AGBL3: variants seen among roughly 807,000 people sequenced by gnomAD.
AGBL3 encodes the protein cytosolic carboxypeptidase 3.
In AGBL3, 68 loss-of-function variants were observed where a neutral mutation model predicts 94.5. That is an observed-to-expected ratio of 0.72 (90% CI 0.59 to 0.88). The LOEUF (loss-of-function observed/expected upper bound fraction) is 0.88, where lower values mean the gene tolerates loss of function less well. Among genes scored for constraint, AGBL3 ranks in the 40% least tolerant of loss-of-function variants. The pLI is 0.00. For synonymous variants in AGBL3, 354 were observed against 370.7 expected (o/e 0.95, Z 0.52); for missense variants, 934 against 1,103.8 (o/e 0.85, Z 2.18).
chr7:135,016,030 C>CAA (rs5887720), intron 4 of AGBL3, among the ~76,000 whole-genome samples: 2 of 141,274 alleles, frequency 1.4e-5, no homozygotes, highest in African/African-American at 5.5e-5. Context: ...CACTCCATCT[C>CAA]AAAAAAAAAA....
At chr7:135,129,303 G>T in intron 16 of AGBL3, 1 of 1,469,862 alleles carries the variant, frequency 6.8e-7, no homozygotes, top group South Asian at 1.1e-5. Flanking sequence ...GACCTACCAT[G>T]GGGTCTCTCC....
chr7:135,062,127 T>C (rs1818889075), intron 12 of AGBL3, among the ~76,000 whole-genome samples: 1 of 152,074 alleles, frequency 6.6e-6, no homozygotes, highest in East Asian at 1.9e-4. Flanking sequence ...GTTAAATTTA[T>C]TCCTACATAT....
intron 4 of AGBL3, chr7:134,995,397 T>G (rs1231416387): frequency 6.6e-6 from 1 of 152,210 alleles, no homozygotes; most frequent in Non-Finnish European, 1.5e-5. Context: ...TCCTTAAATT[T>G]CCTAGCCCTC....
intron 15 of AGBL3, chr7:135,093,558 T>C (rs900086506): frequency 2.0e-5 from 3 of 152,074 alleles, no homozygotes; most frequent in Middle Eastern, 3.2e-3. Flanking sequence ...ACAAAAGAAG[T>C]ACAAGACTTA....
chr7:135,006,840 TC>T (rs1812452823), intron 4 of AGBL3, among the ~76,000 whole-genome samples: 1 of 151,942 alleles, frequency 6.6e-6, no homozygotes, highest in South Asian at 2.1e-4. Context: ...TATGTAACTG[TC>T]CTGATAATCT....
intron 5 of AGBL3, among the ~76,000 whole-genome samples, chr7:135,020,768 A>T (rs1389663906): frequency 6.6e-6 from 1 of 152,100 alleles, no homozygotes; most frequent in Non-Finnish European, 1.5e-5. Context: ...AGGGACATGG[A>T]TTAAGCTGGA....
intron 15 of AGBL3, among the ~76,000 whole-genome samples, chr7:135,083,697 A>C (rs1821103295): frequency 6.6e-6 from 1 of 152,162 alleles, no homozygotes; most frequent in Non-Finnish European, 1.5e-5. Context: ...TTGAATTATC[A>C]TATTTCTTTA....
At chr7:135,065,577 GA>G (rs1819212476) in intron 12 of AGBL3, among the ~76,000 whole-genome samples, 1 of 152,154 alleles carries the variant, frequency 6.6e-6, no homozygotes, top group African/African-American at 2.4e-5. Flanking sequence ...ACACAATGAA[GA>G]AAAGATAGTC....
In AGBL3 at chr7:135,055,457, A is replaced by G. The variant is rs149838159; in HGVS notation, c.1842-3712A>G. On this transcript the variant is annotated intron_variant, in intron 11 of 16. Transcript: ENST00000436302. ...AAGATTCCCTCTACTTCGTTAGCTG[A>G]GAGTTTTTGTCATGAATATGTGTTG... 2.6e-4 allele frequency among the ~76,000 whole-genome samples: 40 copies of G among 152,286 alleles called. No individual in the cohort carries two copies. In the East Asian group the frequency reaches 6.8e-3, roughly 26 times the overall value.
At chr7:135,124,772 A>T (rs1827625907) in intron 16 of AGBL3, among the ~76,000 whole-genome samples, 1 of 152,244 alleles carries the variant, frequency 6.6e-6, no homozygotes, top group Non-Finnish European at 1.5e-5. Context: ...TTACATGGAA[A>T]TTGAACAATC....
intron 15 of AGBL3, among the ~76,000 whole-genome samples, chr7:135,084,964 G>A (rs989177888): frequency 3.9e-5 from 6 of 152,082 alleles, no homozygotes; most frequent in Non-Finnish European, 5.9e-5. Context: ...CCCACCAAAA[G>A]TGTGCAGGGA....
chr7:135,032,779 T>G, intron 5 of AGBL3, 65 bp from the exon 6 acceptor site: 1 of 1,420,816 alleles, frequency 7.0e-7, no homozygotes, highest in South Asian at 1.6e-5. Context: ...CTCCAAACTC[T>G]GTGCAGAATA....
At chr7:135,133,470 A>T (rs990976586) in intron 16 of AGBL3, among the ~76,000 whole-genome samples, 1 of 152,230 alleles carries the variant, frequency 6.6e-6, no homozygotes, top group Non-Finnish European at 1.5e-5. Context: ...TAGCAAAAAC[A>T]ATTTTGACAA....
At chr7:135,129,452 G>C in intron 16 of AGBL3, 1 of 779,714 alleles carries the variant, frequency 1.3e-6, no homozygotes, top group Non-Finnish European at 2.4e-6. Context: ...AAAGTAAGGA[G>C]TGGCTAGAGA....
chr7:135,129,143 C>A, intron 16 of AGBL3: 1 of 1,494,102 alleles, frequency 6.7e-7, no homozygotes. Flanking sequence ...CCTATTATGA[C>A]TGCCTTCTCC....
chr7:135,053,500 G>A (rs950954843), intron 11 of AGBL3, among the ~76,000 whole-genome samples: 45 of 152,204 alleles, frequency 3.0e-4, no homozygotes, highest in South Asian at 1.0e-3. Flanking sequence ...TCAGCTACTC[G>A]GGAGGCTGAG....
At chr7:134,994,838 C>A (rs1431252922) in intron 4 of AGBL3, among the ~76,000 whole-genome samples, 1 of 152,126 alleles carries the variant, frequency 6.6e-6, no homozygotes, top group Non-Finnish European at 1.5e-5. Flanking sequence ...AGAATTCATG[C>A]TTAATAGTAC....
chr7:135,100,273 A>G lies in AGBL3; in HGVS notation c.2111-15107A>G, dbSNP rs191195843. Among the ~76,000 whole-genome samples, 57 of 152,174 alleles carry G rather than the reference A, an allele frequency of 3.7e-4. 1 individual carries two copies. The East Asian group carries it at 0.011, about 29-fold the overall frequency. The stretch of plus-strand genomic sequence containing the variant: ...ATGACAATCAAATGCTTTACTATCC[A>G]TTGCAGCAACTGGAGCACTGGTCAT... On this transcript the variant is annotated intron_variant, in intron 15 of 16. Coordinates refer to ENST00000436302, the MANE Select transcript of AGBL3 (RefSeq NM_178563.4).
rs1277120038 is a variant in AGBL3, at chr7:135,115,542, C to T, written c.2273C>T (p.Thr758Ile). Residue 758 changes from threonine to isoleucine, a missense_variant, in exon 16 of 17, where the codon ACT becomes ATT. Physicochemically the swap from Thr to Ile is moderately conservative, Grantham distance 89 (BLOSUM62 -1). Transcript: ENST00000436302. ...TATTTGCTCCCCATCGTGCATAGCA[C>T]TAAAAACATGCAAACCACTCAGATA... ...LQYLLPIVHS[T>I]KNMQTTQIKQ... 6.4e-7 allele frequency: 1 copy of T among 1,551,420 alleles called. No individual in the cohort carries two copies. The highest frequency in any genetic ancestry group is 8.7e-7 in the Non-Finnish European group (1 of 1,146,804).
Sources: gnomAD v4.1 joint callset for allele counts (sites outside exome capture counted in the v4.1 genomes callset) on GRCh38, gnomAD v4.1.1 for gene constraint, MANE v1.5 for transcripts, NCBI Gene and HGNC (gene_info 2026-07-23, HGNC 2026-07-21) for gene names.